CGNL1: variants seen among roughly 807,000 people sequenced by gnomAD.
CGNL1 encodes the protein cingulin like 1.
A neutral mutation model predicts 141.2 loss-of-function variants in CGNL1; 132 were observed. The observed-to-expected ratio is 0.93, with a 90% CI of 0.81 to 1.08. The LOEUF (loss-of-function observed/expected upper bound fraction) is 1.08. Ranked by LOEUF, CGNL1 falls within the 50% of genes least tolerant of loss-of-function variation. CGNL1 has a pLI of 0.00. For missense variants in CGNL1, 1,870 were observed against 1,588.6 expected, an observed-to-expected ratio of 1.18 and a Z score of -3.01; for synonymous variants, 690 against 622.1, an observed-to-expected ratio of 1.11 and a Z score of -1.63.
intron 1 of CGNL1, among the ~76,000 whole-genome samples, chr15:57,437,619 CAAAAAAAAAAAAAAAAAAAA>C (rs540499763): frequency 5.5e-5 from 2 of 36,086 alleles, no homozygotes; most frequent in African/African-American, 2.4e-4. Flanking sequence ...AACTAAACAG[CAAAAAAAAAAAAAAAAAAAA>C]AAAAAAAAAA....
chr15:57,427,505 C>T (rs1366068153), intron 1 of CGNL1, among the ~76,000 whole-genome samples: 1 of 152,198 alleles, frequency 6.6e-6, no homozygotes, highest in Non-Finnish European at 1.5e-5. Flanking sequence ...GACGCTTCCC[C>T]AGTGGCTCTG....
At position 57,523,608 on chromosome 15, in the gene CGNL1, C is replaced by G. The variant is rs775324311; in HGVS notation, c.2835C>G (p.His945Gln). Residue 945 changes from histidine to glutamine, a missense_variant, in exon 11 of 19, where the codon CAC becomes CAG. Physicochemically the swap from His to Gln is conservative, Grantham distance 24. Transcript: ENST00000281282. ...ACGAGATGGAGAATGAGCGGTGGCA[C>G]CTGGGCAAAACCATTGAGAAACTGC... Reference protein sequence around the residue: ...LKNEMENERWHLGKTIEKLQK... With the variant: ...LKNEMENERWQLGKTIEKLQK... 4 of 1,614,044 alleles carry G rather than the reference C, an allele frequency of 2.5e-6. No homozygotes were observed. In the South Asian group the frequency reaches 4.4e-5, roughly 18 times the overall value.
intron 1 of CGNL1, among the ~76,000 whole-genome samples, chr15:57,409,470 C>T (rs548584388): frequency 1.3e-5 from 2 of 152,256 alleles, no homozygotes; most frequent in Admixed American, 6.5e-5. Context: ...GAAAACAAGC[C>T]TGAAGACTGA....
At chr15:57,429,638 T>C (rs571644800) in intron 1 of CGNL1, among the ~76,000 whole-genome samples, 13 of 152,382 alleles carry the variant, frequency 8.5e-5, no homozygotes, top group African/African-American at 3.1e-4. Context: ...TTTAGATTCT[T>C]AGCCCTCTGG....
At chr15:57,453,646 C>G in intron 6 of CGNL1, 37 bp from the exon 7 acceptor site, 1 of 1,611,006 alleles carries the variant, frequency 6.2e-7, no homozygotes, top group East Asian at 2.2e-5. Flanking sequence ...AAGCAGAGCC[C>G]AGAAGAGCCT....
At chr15:57,490,627 C>T (rs575794696) in intron 8 of CGNL1, among the ~76,000 whole-genome samples, 2 of 152,152 alleles carry the variant, frequency 1.3e-5, no homozygotes, top group East Asian at 3.9e-4. Flanking sequence ...TGGAAGAGTT[C>T]CAAATAATTT....
chr15:57,455,461 A>C (rs535398557), intron 7 of CGNL1, among the ~76,000 whole-genome samples: 162 of 152,314 alleles, frequency 1.1e-3, no homozygotes, highest in Non-Finnish European at 1.9e-3. Flanking sequence ...AGTAACTGAC[A>C]GCTGTCACTG....
chr15:57,506,722 G>T (rs906576831), intron 8 of CGNL1, among the ~76,000 whole-genome samples: 1 of 152,200 alleles, frequency 6.6e-6, no homozygotes, highest in Non-Finnish European at 1.5e-5. Context: ...CTGGGTGTGT[G>T]ACTGTTGTCT....
At chr15:57,472,337 C>G (rs1475268392) in intron 8 of CGNL1, among the ~76,000 whole-genome samples, 2 of 151,964 alleles carry the variant, frequency 1.3e-5, no homozygotes, top group African/African-American at 2.4e-5. Flanking sequence ...GGTTGAAAGT[C>G]TGGTATGAGA....
At chr15:57,434,968 C>A (rs1186326920) in intron 1 of CGNL1, among the ~76,000 whole-genome samples, 1 of 151,810 alleles carries the variant, frequency 6.6e-6, no homozygotes, top group East Asian at 1.9e-4. Context: ...AGGAAGAGAG[C>A]AATGAGACCC....
chr15:57,544,425 G>C (rs1355580243), intron 15 of CGNL1, 48 bp from the exon 16 acceptor site: 2 of 1,612,080 alleles, frequency 1.2e-6, no homozygotes, highest in East Asian at 2.2e-5. Context: ...GCTCTGCACA[G>C]AGCGTGGCAG....
intron 1 of CGNL1, among the ~76,000 whole-genome samples, chr15:57,433,831 C>T: frequency 6.6e-6 from 1 of 152,100 alleles, no homozygotes; most frequent in East Asian, 1.9e-4. Context: ...GTGTGCAGCC[C>T]CAGCAATGAA....
At chr15:57,457,575 T>C (rs1156287286) in intron 7 of CGNL1, among the ~76,000 whole-genome samples, 2 of 152,124 alleles carry the variant, frequency 1.3e-5, no homozygotes, top group African/African-American at 4.8e-5. Context: ...AAGAAAGGGA[T>C]TTAATGTACT....
chr15:57,396,037 T>A (rs2062598344), intron 1 of CGNL1, among the ~76,000 whole-genome samples: 1 of 152,210 alleles, frequency 6.6e-6, no homozygotes, highest in Non-Finnish European at 1.5e-5. Context: ...GTATGTACTC[T>A]TTGTATTTGG....
intron 4 of CGNL1, among the ~76,000 whole-genome samples, chr15:57,448,196 A>C (rs1173056870): frequency 6.6e-6 from 1 of 151,634 alleles, no homozygotes; most frequent in African/African-American, 2.4e-5. Flanking sequence ...TGTAGTCATA[A>C]CTGCTCAGGA....
chr15:57,421,560 T>C (rs1302440943), intron 1 of CGNL1, among the ~76,000 whole-genome samples: 1 of 152,048 alleles, frequency 6.6e-6, no homozygotes. Flanking sequence ...AGCGTTAGGA[T>C]TGGGAGAATG....
At chr15:57,481,806 A>G (rs1450880286) in intron 8 of CGNL1, among the ~76,000 whole-genome samples, 2 of 152,150 alleles carry the variant, frequency 1.3e-5, no homozygotes, top group African/African-American at 4.8e-5. Flanking sequence ...GATGAATGGT[A>G]ATTACATGTT....
In CGNL1 at chr15:57,474,193, A is replaced by AAGCCAC. The variant is rs1463628467; in HGVS notation, c.2403+12302_2403+12307dup. 1.2e-4 allele frequency among the ~76,000 whole-genome samples: 19 copies of AAGCCAC among 152,160 alleles called. No homozygotes were observed. The South Asian group carries it at 1.9e-3, about 15-fold the overall frequency. On this transcript the variant is annotated intron_variant, in intron 8 of 18. Coordinates refer to ENST00000281282, the MANE Select transcript of CGNL1 (RefSeq NM_032866.5). ...CCCAAAGTTCTGGGATTACAGGTGT[A>AAGCCAC]AGCCACCGTGCCCAGCCTTTGAGTC... is the stretch of plus-strand genomic sequence containing the variant.
intron 4 of CGNL1, among the ~76,000 whole-genome samples, chr15:57,449,390 A>T (rs541781106): frequency 1.3e-5 from 2 of 152,246 alleles, no homozygotes; most frequent in African/African-American, 2.4e-5. Context: ...TTTCTCACTT[A>T]AATTAACAAA....
Sources: allele counts gnomAD v4.1 joint callset (sites outside exome capture counted in the v4.1 genomes callset), GRCh38; gene constraint gnomAD v4.1.1; transcripts MANE v1.5; gene names NCBI Gene and HGNC (gene_info 2026-07-23, HGNC 2026-07-21).